The following DNAI4 variants were observed in gnomAD, a reference collection of about 807,000 sequenced individuals.
DNAI4 encodes the protein dynein axonemal intermediate chain 4.
In DNAI4, 85 loss-of-function variants were observed where a neutral mutation model predicts 105.8. The observed-to-expected ratio is 0.80, with a 90% CI of 0.67 to 0.96. The LOEUF is 0.96. Among genes scored for constraint, DNAI4 ranks in the 40% least tolerant of loss-of-function variants. The pLI is 0.00. For missense variants in DNAI4, 1,014 were observed against 1,005.6 expected, an observed-to-expected ratio of 1.01 and a Z score of -0.11; for synonymous variants, 352 against 331.5, an observed-to-expected ratio of 1.06 and a Z score of -0.67.
chr1:66,827,863 T>G lies in DNAI4; in HGVS notation c.2061A>C (p.Lys687Asn), dbSNP rs748248725. ...LAGTEEGHIHKCSCSYNEQYL... is the reference protein window; with the variant it reads ...LAGTEEGHIHNCSCSYNEQYL... ...ATTGTTCATTATATGAACAAGAACA[T>G]TTGTGAATATGACCTTCTTCAGTGC... The change falls in exon 14 of 17, where the codon AAA (lysine) becomes AAC (asparagine). Residue 687 changes from lysine to asparagine, a missense_variant. Lys to Asn is a moderately conservative substitution (Grantham distance 94). Transcript: ENST00000371026. The G allele has an allele frequency of 6.2e-7, 1 of 1,608,552 alleles. No homozygotes were observed. Among genetic ancestry groups the G allele is most frequent in the Non-Finnish European group, 8.5e-7 (1 of 1,177,552 alleles).
chr1:66,833,921 C>T, intron 12 of DNAI4, 70 bp downstream of exon 12: 1 of 1,507,560 alleles, frequency 6.6e-7, no homozygotes, highest in Non-Finnish European at 8.8e-7. Context: ...TGTCATCTTT[C>T]ACACATGGTT....
At chr1:66,829,010 G>C (rs1028514881) in intron 13 of DNAI4, among the ~76,000 whole-genome samples, 1 of 152,144 alleles carries the variant, frequency 6.6e-6, no homozygotes, top group African/African-American at 2.4e-5. Context: ...AGAGTGTTAG[G>C]GAGTGCTCTC....
intron 2 of DNAI4, among the ~76,000 whole-genome samples, chr1:66,900,723 A>C (rs1048045534): frequency 2.6e-5 from 4 of 152,176 alleles, no homozygotes; most frequent in Non-Finnish European, 5.9e-5. Flanking sequence ...TAGAAATACA[A>C]TTCATTTGCA....
chr1:66,831,499 T>C (rs1166217427), intron 13 of DNAI4, among the ~76,000 whole-genome samples: 1 of 152,142 alleles, frequency 6.6e-6, no homozygotes, highest in Non-Finnish European at 1.5e-5. Flanking sequence ...CTTCACCAGA[T>C]TAACAAACTT....
intron 8 of DNAI4, among the ~76,000 whole-genome samples, chr1:66,846,623 T>G (rs2100521167): frequency 6.6e-6 from 1 of 152,350 alleles, no homozygotes; most frequent in South Asian, 2.1e-4. Context: ...TGCAGATATC[T>G]TTTGAATGAT....
chr1:66,881,539 G>C (rs1359317288), intron 4 of DNAI4, among the ~76,000 whole-genome samples: 1 of 152,180 alleles, frequency 6.6e-6, no homozygotes, highest in Non-Finnish European at 1.5e-5. Flanking sequence ...GGGGCCTGTA[G>C]CCCCTTTGTT....
intron 4 of DNAI4, among the ~76,000 whole-genome samples, chr1:66,889,678 C>T (rs1233861548): frequency 1.3e-5 from 2 of 152,116 alleles, no homozygotes; most frequent in African/African-American, 4.8e-5. Context: ...GGAAAAAAAT[C>T]CTTATTGCAC....
At chr1:66,916,252 G>A (rs1214838687) in intron 1 of DNAI4, among the ~76,000 whole-genome samples, 1 of 152,078 alleles carries the variant, frequency 6.6e-6, no homozygotes, top group Non-Finnish European at 1.5e-5. Flanking sequence ...ACTTTTATAT[G>A]ATCAAGTTGT....
chr1:66,859,660 G>T (rs989156727), intron 7 of DNAI4, among the ~76,000 whole-genome samples: 2 of 152,108 alleles, frequency 1.3e-5, no homozygotes, highest in Non-Finnish European at 2.9e-5. Context: ...ACATAGAGGA[G>T]GCTTAAGTGC....
At chr1:66,878,641 T>C (rs906857519) in intron 4 of DNAI4, among the ~76,000 whole-genome samples, 1 of 152,202 alleles carries the variant, frequency 6.6e-6, no homozygotes, top group African/African-American at 2.4e-5. Flanking sequence ...AAGCTAAACA[T>C]GAGTTTATAT....
chr1:66,885,025 T>C (rs1647163663), intron 4 of DNAI4, among the ~76,000 whole-genome samples: 1 of 152,260 alleles, frequency 6.6e-6, no homozygotes, highest in Admixed American at 6.5e-5. Context: ...CAAATTGTGA[T>C]AAGTTGTATT....
intron 6 of DNAI4, among the ~76,000 whole-genome samples, chr1:66,866,966 G>A (rs939309089): frequency 6.6e-6 from 1 of 152,188 alleles, no homozygotes; most frequent in African/African-American, 2.4e-5. Flanking sequence ...GGTGAGAAAA[G>A]CGAGTGACGA....
Position 66,890,970 on chromosome 1 carries a change from C to G in DNAI4, c.643+184G>C, listed in dbSNP as rs1647582684. The G allele has an allele frequency of 5.0e-6, 3 of 600,308 alleles. No individual in the cohort carries two copies. Among genetic ancestry groups the G allele is most frequent in the Non-Finnish European group, 8.9e-6 (3 of 337,652 alleles). The allele number at this position is 600,308 out of a possible 1,614,324, so 37.2% of individuals were successfully genotyped here. A position where few individuals can be genotyped will look rare whatever the true frequency, so the allele number is the denominator to read the frequency against. ...CCATTGGTTCCTCAGGCTGATGATT[C>G]AAAACAGTCACCCAGGGAACTTAAA... On this transcript the variant is annotated intron_variant, in intron 4 of 16. Transcript: ENST00000371026. The surrounding 1 kb of genome is among the most constrained non-coding windows in gnomAD (Gnocchi z 4.1).
chr1:66,905,147 T>C (rs531889518), intron 2 of DNAI4, 54 bp downstream of exon 2: 6 of 1,290,056 alleles, frequency 4.7e-6, no homozygotes, highest in Non-Finnish European at 5.2e-6. Flanking sequence ...AACATTTCAA[T>C]TGAGTTTTTC....
intron 15 of DNAI4, among the ~76,000 whole-genome samples, chr1:66,825,497 A>G (rs908212728): frequency 2.6e-5 from 4 of 152,334 alleles, no homozygotes; most frequent in Admixed American, 6.5e-5. Context: ...CTGTCTTTTA[A>G]CAGAATAATG....
intron 1 of DNAI4, among the ~76,000 whole-genome samples, chr1:66,912,056 A>G (rs3008894): frequency 0.8 from 121,669 of 151,834 alleles, 49,328 homozygotes; most frequent in African/African-American, 0.91. Flanking sequence ...TGGTCAGGCT[A>G]GTCTCAAACT....
chr1:66,916,022 G>A (rs1386414621), intron 1 of DNAI4, among the ~76,000 whole-genome samples: 3 of 146,402 alleles, frequency 2.0e-5, no homozygotes, highest in Non-Finnish European at 3.0e-5. Flanking sequence ...CTGGGAGACT[G>A]AGAAAGGAGA....
chr1:66,880,287 G>A (rs1278165545), intron 4 of DNAI4, among the ~76,000 whole-genome samples: 1 of 152,224 alleles, frequency 6.6e-6, no homozygotes, highest in East Asian at 1.9e-4. Flanking sequence ...CGAAAATGTG[G>A]AAGCAACTTT....
chr1:66,828,578 T>C (rs1258267295), intron 13 of DNAI4: 1 of 152,182 alleles, frequency 6.6e-6, no homozygotes, highest in Non-Finnish European at 1.5e-5. Context: ...TTTCCTCTTA[T>C]TTTGTGTCCC....
Sources: allele counts gnomAD v4.1 joint callset (sites outside exome capture counted in the v4.1 genomes callset), GRCh38; gene constraint gnomAD v4.1.1; non-coding constraint Gnocchi (gnomAD v3.1); transcripts MANE v1.5; gene names NCBI Gene and HGNC (gene_info 2026-07-23, HGNC 2026-07-21).